Variants in ADAMTSL1 observed in about 807,000 individuals in gnomAD.
ADAMTSL1 encodes ADAMTS-like protein 1.
In ADAMTSL1, 126 loss-of-function variants were observed where a neutral mutation model predicts 201.8. That is an observed-to-expected ratio of 0.62 (90% confidence interval 0.54 to 0.72). The LOEUF (loss-of-function observed/expected upper bound fraction) is 0.72, where lower values mean the gene tolerates loss of function less well. ADAMTSL1 is among the 30% of genes least tolerant of loss of function. The pLI is 0.00. For synonymous variants in ADAMTSL1, 1,121 were observed against 903.4 expected (o/e 1.24, Z -4.32); for missense variants, 2,679 against 2,277.8 (o/e 1.18, Z -3.59).
rs143976083 is a variant in ADAMTSL1 at position 18,126,843 on chromosome 9, A to G, written c.88-37019A>G. Among the ~76,000 whole-genome samples, 563 of 152,306 alleles carry G rather than the reference A, an allele frequency of 3.7e-3. 1 individual carries two copies. The highest frequency in any genetic ancestry group is 5.6e-3 in the Non-Finnish European group (383 of 68,014). ...TTATGCCTCTGGATGCAAAAACAGT[A>G]TGTTGAAAACCCAGATTGCAACAAA... On this transcript the variant is annotated intron_variant, in intron 1 of 29. Coordinates refer to the ADAMTSL1 transcript ENST00000680146.
chr9:18,338,642 G>C (rs1835346537), intron 2 of ADAMTSL1, among the ~76,000 whole-genome samples: 1 of 151,968 alleles, frequency 6.6e-6, no homozygotes, highest in Admixed American at 6.6e-5. Flanking sequence ...TCTTCTTTTA[G>C]GTTCAGGGGT....
chr9:18,535,874 C>T (rs1030314760), intron 3 of ADAMTSL1, among the ~76,000 whole-genome samples: 1 of 152,116 alleles, frequency 6.6e-6, no homozygotes, highest in Non-Finnish European at 1.5e-5. Context: ...TCAATTATCT[C>T]CACCTGGTTC....
chr9:18,214,552 G>C (rs561166346), intron 2 of ADAMTSL1, among the ~76,000 whole-genome samples: 1 of 152,246 alleles, frequency 6.6e-6, no homozygotes, highest in South Asian at 2.1e-4. Context: ...ATTTAGAAAA[G>C]ATATACTACA....
chr9:18,277,120 T>C (rs2132609787), intron 2 of ADAMTSL1, among the ~76,000 whole-genome samples: 1 of 152,352 alleles, frequency 6.6e-6, no homozygotes, highest in Non-Finnish European at 1.5e-5. Context: ...CTTGATATGA[T>C]TTTCATCTTC....
At chr9:18,645,614 C>T (rs1163371348) in intron 7 of ADAMTSL1, among the ~76,000 whole-genome samples, 1 of 151,812 alleles carries the variant, frequency 6.6e-6, no homozygotes, top group Non-Finnish European at 1.5e-5. Flanking sequence ...TGTGGCTAGC[C>T]AGTTTTCCCA....
intron 1 of ADAMTSL1, among the ~76,000 whole-genome samples, chr9:18,077,402 G>A (rs1238073132): frequency 6.6e-6 from 1 of 152,182 alleles, no homozygotes; most frequent in Non-Finnish European, 1.5e-5. Context: ...AGGAGATGGA[G>A]AACAGCTAGA....
chr9:18,533,304 G>A lies in ADAMTSL1; in HGVS notation c.237+12G>A, dbSNP rs1338380107. 1 of 1,602,116 alleles carries A rather than the reference G, an allele frequency of 6.2e-7. No homozygotes were observed. The highest frequency in any genetic ancestry group is 1.1e-5 in the South Asian group (1 of 88,716). ...CATGCAGTAATGTGGTAAGTATAAG[G>A]TTCTGAGATTGTAATCATGTATTTT... On this transcript the variant is annotated intron_variant, in intron 3 of 28. Transcript: ENST00000380548.
At chr9:18,816,438 T>C (rs1010781136) in intron 20 of ADAMTSL1, among the ~76,000 whole-genome samples, 2 of 152,128 alleles carry the variant, frequency 1.3e-5, no homozygotes, top group Non-Finnish European at 2.9e-5. Context: ...GATTTCACCA[T>C]GTTGGCCAGG....
intron 3 of ADAMTSL1, among the ~76,000 whole-genome samples, chr9:18,570,414 TC>T (rs375972458): frequency 9.8e-5 from 15 of 152,314 alleles, no homozygotes; most frequent in South Asian, 6.2e-4. Context: ...AGCTGGATGA[TC>T]CCAGATGCAT....
chr9:18,284,542 A>T (rs139665082), intron 2 of ADAMTSL1, among the ~76,000 whole-genome samples: 13 of 152,346 alleles, frequency 8.5e-5, no homozygotes, highest in African/African-American at 3.1e-4. Context: ...ATGAGGAAAC[A>T]GGTGTAAATA....
At chr9:17,948,957 G>A (rs370503773) in intron 1 of ADAMTSL1, among the ~76,000 whole-genome samples, 1 of 152,126 alleles carries the variant, frequency 6.6e-6, no homozygotes, top group African/African-American at 2.4e-5. Context: ...GGATGAGCCA[G>A]TTTAAATACT....
intron 25 of ADAMTSL1, 59 bp from the exon 26 acceptor site, chr9:18,892,330 T>A: frequency 6.6e-7 from 1 of 1,519,148 alleles, no homozygotes; most frequent in Non-Finnish European, 8.9e-7. Flanking sequence ...GGGGAGGAGG[T>A]CTCTTTTCCC....
chr9:18,085,868 A>G (rs1823746767), intron 1 of ADAMTSL1, among the ~76,000 whole-genome samples: 1 of 151,920 alleles, frequency 6.6e-6, no homozygotes, highest in Non-Finnish European at 1.5e-5. Context: ...CTATAGCAGG[A>G]ACAAGGATAG....
At chr9:17,963,008 G>A (rs1817822350) in intron 1 of ADAMTSL1, among the ~76,000 whole-genome samples, 1 of 152,182 alleles carries the variant, frequency 6.6e-6, no homozygotes, top group Non-Finnish European at 1.5e-5. Flanking sequence ...TGACCTTCGG[G>A]GCACTAAAAC....
intron 1 of ADAMTSL1, among the ~76,000 whole-genome samples, chr9:18,158,878 G>T (rs1447445062): frequency 6.6e-6 from 1 of 151,848 alleles, no homozygotes; most frequent in Non-Finnish European, 1.5e-5. Context: ...GATATGGGTG[G>T]CAGGACTAGA....
chr9:18,254,001 A>G (rs1040197458), intron 2 of ADAMTSL1, among the ~76,000 whole-genome samples: 3 of 152,204 alleles, frequency 2.0e-5, no homozygotes, highest in Non-Finnish European at 4.4e-5. Flanking sequence ...ATCTGTGTGC[A>G]ACCTGCCACT....
chr9:18,755,423 T>C (rs1819696202), intron 16 of ADAMTSL1, among the ~76,000 whole-genome samples: 2 of 152,210 alleles, frequency 1.3e-5, no homozygotes, highest in African/African-American at 4.8e-5. Context: ...AATGAATAGA[T>C]GAAGAATGCT....
intron 1 of ADAMTSL1, among the ~76,000 whole-genome samples, chr9:18,484,459 T>G (rs557218546): frequency 6.6e-6 from 1 of 152,340 alleles, no homozygotes; most frequent in South Asian, 2.1e-4. Context: ...CTTTGACTTT[T>G]GCTTCTTTTT....
At chr9:17,918,057 A>T (rs1490602699) in intron 1 of ADAMTSL1, among the ~76,000 whole-genome samples, 1 of 151,854 alleles carries the variant, frequency 6.6e-6, no homozygotes, top group African/African-American at 2.4e-5. Flanking sequence ...TTTTTCCCTG[A>T]TCAATCTGCT....
Sources: allele counts gnomAD v4.1 joint callset (sites outside exome capture counted in the v4.1 genomes callset), GRCh38; gene constraint gnomAD v4.1.1; transcripts MANE v1.5; gene names NCBI Gene and HGNC (gene_info 2026-07-23, HGNC 2026-07-21).